Variants in FA2H observed in about 807,000 individuals in gnomAD.
The protein encoded by FA2H is fatty acid alpha-hydroxylase.
FA2H carries 22 observed loss-of-function variants against 44.9 expected under a neutral mutation model. The ratio of observed to expected loss-of-function variants is 0.49; its 90% CI spans 0.35 to 0.70. The LOEUF (loss-of-function observed/expected upper bound fraction) is 0.70. Ranked by LOEUF, FA2H falls within the 30% of genes least tolerant of loss-of-function variation. FA2H has a pLI of 0.01. For synonymous variants in FA2H, 243 were observed against 213.2 expected, an observed-to-expected ratio of 1.14 and a Z score of -1.22; for missense variants, 501 against 504.9, an observed-to-expected ratio of 0.99 and a Z score of 0.07.
chr16:74,748,795 C>A (rs867658140), intron 1 of FA2H, among the ~76,000 whole-genome samples: 3 of 152,334 alleles, frequency 2.0e-5, no homozygotes, highest in African/African-American at 7.2e-5. Context: ...GGGGCGCCGG[C>A]ATAAAGGCAT....
Position 74,713,896 on chromosome 16 carries a change from A to G in FA2H, c.*294T>C. ...TTCTTCATTTCCCCTTGCGGCTGCT[A>G]CCTGTGGCCACGGCCTGAAGCAGTC... On this transcript the variant is annotated 3_prime_UTR_variant, in exon 7 of 7. Coordinates refer to ENST00000219368, the MANE Select transcript of FA2H (RefSeq NM_024306.5). 1 of 411,692 alleles carries G rather than the reference A, an allele frequency of 2.4e-6. No individual in the cohort carries two copies. Among genetic ancestry groups the G allele is most frequent in the Non-Finnish European group, 4.5e-6 (1 of 223,578 alleles). The allele number at this position is 411,692 out of a possible 1,614,324, so 25.5% of individuals were successfully genotyped here.
chr16:74,714,343 A>C (rs906850919), intron 6 of FA2H, 74 bp from the exon 7 acceptor site: 3 of 937,986 alleles, frequency 3.2e-6, no homozygotes, highest in East Asian at 5.2e-5. Flanking sequence ...GAAGGGTGCC[A>C]GGGTAGGGAT....
At chr16:74,726,380 C>A (rs892698829) in intron 3 of FA2H, 49 bp from the exon 4 acceptor site, 3 of 1,171,336 alleles carry the variant, frequency 2.6e-6, no homozygotes, top group African/African-American at 3.6e-5. Context: ...AGGAGCTTGA[C>A]AGAGTACAGC....
intron 1 of FA2H, among the ~76,000 whole-genome samples, chr16:74,765,804 T>C (rs1458901997): frequency 6.6e-6 from 1 of 152,144 alleles, no homozygotes; most frequent in African/African-American, 2.4e-5. Context: ...TCTTTCTGCC[T>C]TGGCCTCCCA....
rs142256383 is a variant in FA2H at position 74,734,166 on chromosome 16, C to T, written c.363+5857G>A. Among the ~76,000 whole-genome samples the T allele has an allele frequency of 1.6e-3, 239 of 152,318 alleles. 1 individual carries two copies. Among genetic ancestry groups the T allele is most frequent in the African/African-American group, 5.5e-3 (227 of 41,576 alleles). ...GGGTCTGTGGGCTATGTACGTGGCT[C>T]GGGTGGGGGAGAAGGGGAGATCAGG... On this transcript the variant is annotated intron_variant, in intron 2 of 6. Transcript: ENST00000219368.
chr16:74,740,661 AT>A (rs1962277567), intron 1 of FA2H, among the ~76,000 whole-genome samples: 2 of 144,502 alleles, frequency 1.4e-5, no homozygotes, highest in Non-Finnish European at 3.0e-5. Flanking sequence ...AATAATAATA[AT>A]AATAATAAAA....
intron 1 of FA2H, among the ~76,000 whole-genome samples, chr16:74,768,554 C>T (rs1459414542): frequency 2.0e-5 from 3 of 152,200 alleles, no homozygotes; most frequent in African/African-American, 7.2e-5. Context: ...TCCAGTAAGT[C>T]GACTTCTCGG....
At chr16:74,719,770 G>C (rs1021884523) in intron 4 of FA2H, among the ~76,000 whole-genome samples, 1 of 151,938 alleles carries the variant, frequency 6.6e-6, no homozygotes, top group Non-Finnish European at 1.5e-5. Context: ...TGCCCAGGCT[G>C]GTCTCAAACT....
rs1180786386 is a variant in FA2H, at chr16:74,727,940, T to C, written c.364-554A>G. Among the ~76,000 whole-genome samples the C allele has an allele frequency of 3.9e-5, 6 of 152,192 alleles. No individual in the cohort carries two copies. The East Asian group carries it at 1.2e-3, about 29-fold the overall frequency. ...TTTATTCAGCAATTTATTTTTTATA[T>C]ATATATTTATTTCTATGCTAGGTGC... On this transcript the variant is annotated intron_variant, in intron 2 of 6. Coordinates refer to ENST00000219368, the MANE Select transcript of FA2H (RefSeq NM_024306.5).
intron 4 of FA2H, among the ~76,000 whole-genome samples, chr16:74,725,130 C>A (rs570135834): frequency 3.3e-5 from 5 of 152,324 alleles, no homozygotes; most frequent in African/African-American, 1.2e-4. Flanking sequence ...TGCAGTAACC[C>A]TCGGTGACCG....
At chr16:74,727,173 T>G (rs1961977098) in intron 3 of FA2H, 71 bp downstream of exon 3, 1 of 1,607,036 alleles carries the variant, frequency 6.2e-7, no homozygotes, top group African/African-American at 1.3e-5. Context: ...AATTGCCCCC[T>G]CCCTTTCCAT....
chr16:74,729,795 T>C (rs1020522607), intron 2 of FA2H, among the ~76,000 whole-genome samples: 5 of 151,902 alleles, frequency 3.3e-5, no homozygotes, highest in African/African-American at 1.2e-4. Context: ...TGCCCTCATC[T>C]GTGATGCTGG....
chr16:74,773,688 C>A (rs1962951177), intron 1 of FA2H, among the ~76,000 whole-genome samples: 1 of 152,190 alleles, frequency 6.6e-6, no homozygotes, highest in African/African-American at 2.4e-5. Context: ...ATCAGAGCCT[C>A]CCTGAGCCTC....
chr16:74,762,685 A>G (rs1208341966), intron 1 of FA2H, among the ~76,000 whole-genome samples: 1 of 152,080 alleles, frequency 6.6e-6, no homozygotes, highest in Non-Finnish European at 1.5e-5. Context: ...GCATGCCATC[A>G]CACCCAGCTA....
chr16:74,721,945 G>T (rs1486059722), intron 4 of FA2H, among the ~76,000 whole-genome samples: 1 of 152,240 alleles, frequency 6.6e-6, no homozygotes, highest in African/African-American at 2.4e-5. Flanking sequence ...CTGTGTGCCA[G>T]GCACCGCCCA....
rs558089367 is a variant in FA2H, at chr16:74,737,109, C to G, written c.363+2914G>C. ...GCGAACTTCTGCAAACCCCTCAAAT[C>G]ACACCTGTTCTTGCCCCCTCCCCAA... On this transcript the variant is annotated intron_variant, in intron 2 of 6. Coordinates refer to ENST00000219368, the MANE Select transcript of FA2H (RefSeq NM_024306.5). Among the ~76,000 whole-genome samples, 15 of 152,292 alleles carry G rather than the reference C, an allele frequency of 9.8e-5. No homozygotes were observed. In the South Asian group the frequency reaches 2.3e-3, roughly 23 times the overall value.
chr16:74,750,836 T>C (rs999822659), intron 1 of FA2H, among the ~76,000 whole-genome samples: 11 of 151,126 alleles, frequency 7.3e-5, no homozygotes, highest in Admixed American at 2.0e-4. Flanking sequence ...AGTGCAGTGG[T>C]GCAATCATGG....
intron 1 of FA2H, among the ~76,000 whole-genome samples, chr16:74,772,127 G>A (rs930798523): frequency 2.0e-5 from 3 of 152,010 alleles, no homozygotes; most frequent in African/African-American, 7.3e-5. Flanking sequence ...ATGTGGCCCC[G>A]GCCGACTTTT....
rs1218733023 is a variant in FA2H at position 74,713,815 on chromosome 16, G to A, written c.*375C>T. 8.2e-6 allele frequency: 2 copies of A among 244,370 alleles called. No homozygotes were observed. Among genetic ancestry groups the A allele is most frequent in the Non-Finnish European group, 1.6e-5 (2 of 123,150 alleles). The allele number at this position is 244,370 out of a possible 1,614,324, so 15.1% of individuals were successfully genotyped here. On this transcript the variant is annotated 3_prime_UTR_variant, in exon 7 of 7. Coordinates refer to ENST00000219368, the MANE Select transcript of FA2H (RefSeq NM_024306.5). ...AGCTGTGCCGTGCAGGCAGCTCCTA[G>A]GCAGCCCATGAGGCTAAGGCACAAG...
Sources: gnomAD v4.1 joint callset for allele counts (sites outside exome capture counted in the v4.1 genomes callset) on GRCh38, gnomAD v4.1.1 for gene constraint, MANE v1.5 for transcripts, NCBI Gene and HGNC (gene_info 2026-07-23, HGNC 2026-07-21) for gene names.